The following NRXN3 variants were observed in gnomAD, a reference collection of about 807,000 sequenced individuals.
NRXN3 encodes the protein neurexin III.
NRXN3 carries 32 observed loss-of-function variants against 137.6 expected under a neutral mutation model. The ratio of observed to expected loss-of-function variants is 0.23; its 90% CI spans 0.18 to 0.31. The LOEUF (loss-of-function observed/expected upper bound fraction) is 0.31. NRXN3 is among the 10% of genes least tolerant of loss of function. The probability of loss-of-function intolerance (pLI) is 1.00; values close to 1 mark genes in which losing one functional copy is unlikely to be tolerated. For missense variants in NRXN3, 1,574 were observed against 2,062.5 expected (o/e 0.76, Z 4.59); for synonymous variants, 798 against 784.5 (o/e 1.02, Z -0.29).
chr14:79,266,433 A>G (rs1012174549), intron 15 of NRXN3, among the ~76,000 whole-genome samples: 1 of 151,988 alleles, frequency 6.6e-6, no homozygotes, highest in African/African-American at 2.4e-5. Context: ...TATGCTCATT[A>G]TTGGGACTGA....
intron 15 of NRXN3, among the ~76,000 whole-genome samples, chr14:79,054,758 T>A (rs2099653654): frequency 6.6e-6 from 1 of 152,194 alleles, no homozygotes; most frequent in Non-Finnish European, 1.5e-5. Flanking sequence ...TTAACAGTTT[T>A]TAATCTCCTT....
chr14:78,832,098 C>G (rs1204981260), intron 10 of NRXN3, among the ~76,000 whole-genome samples: 1 of 151,858 alleles, frequency 6.6e-6, no homozygotes, highest in Non-Finnish European at 1.5e-5. Flanking sequence ...TTCCTACTAA[C>G]TTTCAAAAAC....
intron 15 of NRXN3, among the ~76,000 whole-genome samples, chr14:79,461,929 G>C (rs137930992): frequency 1.3e-5 from 2 of 152,166 alleles, no homozygotes; most frequent in African/African-American, 4.8e-5. Context: ...AATGATCAAA[G>C]AGAACTAGAG....
intron 16 of NRXN3, among the ~76,000 whole-genome samples, chr14:79,477,931 G>A (rs1180747557): frequency 2.0e-5 from 3 of 151,888 alleles, no homozygotes; most frequent in African/African-American, 7.3e-5. Flanking sequence ...CAAAACAGGG[G>A]ACAGATAAGT....
intron 20 of NRXN3, among the ~76,000 whole-genome samples, chr14:79,852,278 CA>C (rs2099393366): frequency 6.8e-6 from 1 of 147,888 alleles, no homozygotes; most frequent in African/African-American, 2.5e-5. Flanking sequence ...CACACACACA[CA>C]CCTCTCACAT....
At chr14:79,088,317 G>A (rs2048511531) in intron 15 of NRXN3, among the ~76,000 whole-genome samples, 2 of 149,354 alleles carry the variant, frequency 1.3e-5, no homozygotes, top group African/African-American at 5.2e-5. Context: ...GAAGCCCCAG[G>A]TGAAATGGGA....
chr14:79,720,755 C>T (rs1480565858), intron 19 of NRXN3, among the ~76,000 whole-genome samples: 5 of 152,044 alleles, frequency 3.3e-5, no homozygotes, highest in Admixed American at 3.3e-4. Flanking sequence ...ACTATTTTAA[C>T]TAATATGCTA....
At chr14:79,853,736 CTAAAT>C in intron 20 of NRXN3, 3 of 1,102,530 alleles carry the variant, frequency 2.7e-6, no homozygotes, top group South Asian at 5.0e-5. Context: ...ATCCATCTCC[CTAAAT>C]TAAAGAAAGC....
chr14:79,112,816 A>G (rs985450513), intron 15 of NRXN3, among the ~76,000 whole-genome samples: 1 of 152,230 alleles, frequency 6.6e-6, no homozygotes, highest in South Asian at 2.1e-4. Flanking sequence ...TAGAGTTACA[A>G]GTAAATTTTT....
intron 10 of NRXN3, among the ~76,000 whole-genome samples, chr14:78,863,024 T>A (rs2099076949): frequency 6.6e-6 from 1 of 152,160 alleles, no homozygotes; most frequent in East Asian, 1.9e-4. Context: ...CTCTAGAGGA[T>A]AATACATTTC....
intron 15 of NRXN3, among the ~76,000 whole-genome samples, chr14:79,198,169 T>A (rs954073713): frequency 6.6e-6 from 1 of 152,206 alleles, no homozygotes; most frequent in Non-Finnish European, 1.5e-5. Context: ...CTAATGTGAT[T>A]TATATGAAAT....
In NRXN3 at chr14:78,967,246, A is replaced by G. The variant is rs2099420139; in HGVS notation, c.2816A>G (p.Asn939Ser). 3.7e-6 allele frequency: 6 copies of G among 1,613,264 alleles called. No homozygotes were observed. In the East Asian group the frequency reaches 8.9e-5, roughly 24 times the overall value. Residue 939 changes from asparagine to serine, a missense_variant, in exon 13 of 21, where the codon AAT becomes AGT. Physicochemically the swap from Asn to Ser is conservative, Grantham distance 46. Around this residue, in one of 5 missense-constraint regions of NRXN3, gnomAD observed 718 missense variants for 887.6 expected, o/e 0.81. Coordinates refer to ENST00000335750, the MANE Select transcript of NRXN3 (RefSeq NM_001330195.2). Reference protein sequence around the residue: ...HYVFDLGNGPNVIKGNSDRPL... With the variant: ...HYVFDLGNGPSVIKGNSDRPL... ...GTTTTTGACCTCGGAAACGGTCCCA[A>G]TGTGATCAAAGGCAACAGTGACCGC...
intron 20 of NRXN3, among the ~76,000 whole-genome samples, chr14:79,806,891 A>G (rs1260819299): frequency 1.4e-5 from 2 of 142,392 alleles, no homozygotes; most frequent in Admixed American, 7.0e-5. Flanking sequence ...CGTACATTAA[A>G]TTAGCTTGTT....
chr14:79,756,751 G>C (rs1294135532), intron 19 of NRXN3, among the ~76,000 whole-genome samples: 1 of 152,086 alleles, frequency 6.6e-6, no homozygotes, highest in Non-Finnish European at 1.5e-5. Flanking sequence ...AGAATTTTGG[G>C]CTTGAGTTAT....
rs772032242 is a variant in NRXN3 at position 79,495,947 on chromosome 14, T to TA, written c.3444+28557dup. Among the ~76,000 whole-genome samples the TA allele has an allele frequency of 6.9e-3, 906 of 131,620 alleles. 3 individuals carry two copies. The highest frequency in any genetic ancestry group is 0.014 in the African/African-American group (483 of 35,752). 86.3% of individuals were successfully genotyped at this position (131,620 alleles called of 152,430 possible). A position where few individuals can be genotyped will look rare whatever the true frequency, so the allele number is the denominator to read the frequency against. On this transcript the variant is annotated intron_variant, in intron 16 of 20. Coordinates refer to ENST00000335750, the MANE Select transcript of NRXN3 (RefSeq NM_001330195.2). ...TCATCTCTATCGAGTAGTCAAGTGC[T>TA]AAAAAAAAAAAACAAAAAACAAAAA...
chr14:78,994,922 A>G (rs1315532185), intron 15 of NRXN3, among the ~76,000 whole-genome samples: 1 of 152,216 alleles, frequency 6.6e-6, no homozygotes, highest in Admixed American at 6.5e-5. Context: ...AGAAAATATT[A>G]TAGTACGATA....
At chr14:78,179,774 G>A (rs1295565665) in intron 1 of NRXN3, among the ~76,000 whole-genome samples, 5 of 147,924 alleles carry the variant, frequency 3.4e-5, no homozygotes, top group Non-Finnish European at 7.4e-5. Flanking sequence ...TGTGTACCCA[G>A]TCTCGTGTTC....
intron 10 of NRXN3, among the ~76,000 whole-genome samples, chr14:78,894,756 T>A (rs932776761): frequency 9.9e-5 from 15 of 151,868 alleles, no homozygotes; most frequent in African/African-American, 3.6e-4. Flanking sequence ...AAGTTGAAAT[T>A]ATTCCTTGAT....
At chr14:78,477,357 A>G (rs1279246719) in intron 4 of NRXN3, among the ~76,000 whole-genome samples, 3 of 152,190 alleles carry the variant, frequency 2.0e-5, no homozygotes, top group Non-Finnish European at 4.4e-5. Context: ...AAGTGGATAG[A>G]TTGTGTTTGC....
Sources: allele counts gnomAD v4.1 joint callset (sites outside exome capture counted in the v4.1 genomes callset), GRCh38; gene constraint gnomAD v4.1.1; regional missense constraint gnomAD v4.1.1; transcripts MANE v1.5; gene names NCBI Gene and HGNC (gene_info 2026-07-23, HGNC 2026-07-21).